RUNX3: variants seen among roughly 807,000 people sequenced by gnomAD.
RUNX3 encodes the protein RUNX family transcription factor 3.
A neutral mutation model predicts 27.7 loss-of-function variants in RUNX3; 10 were observed. That is an observed-to-expected ratio of 0.36 (90% CI 0.22 to 0.61). The LOEUF (loss-of-function observed/expected upper bound fraction) is 0.61. Among genes scored for constraint, RUNX3 ranks in the 20% least tolerant of loss-of-function variants. RUNX3 has a pLI of 0.72. For missense variants in RUNX3, 469 were observed against 629.5 expected, an observed-to-expected ratio of 0.75 and a Z score of 2.73; for synonymous variants, 270 against 269.2, an observed-to-expected ratio of 1.00 and a Z score of -0.03.
At chr1:24,951,412 C>G (rs776488951) in intron 2 of RUNX3, among the ~76,000 whole-genome samples, 8 of 152,130 alleles carry the variant, frequency 5.3e-5, no homozygotes, top group Non-Finnish European at 1.0e-4. Flanking sequence ...CCTCAAGTAC[C>G]TTCTGCATGG....
intron 3 of RUNX3, among the ~76,000 whole-genome samples, chr1:24,908,592 G>A (rs1457218275): frequency 6.6e-6 from 1 of 152,226 alleles, no homozygotes; most frequent in African/African-American, 2.4e-5. Context: ...CTTGAGCCCA[G>A]GAGGTGGAGG....
rs966903105 is a variant in RUNX3, at chr1:24,929,598, C to T, written c.271G>A (p.Val91Ile). 5 of 1,606,746 alleles carry T rather than the reference C, an allele frequency of 3.1e-6. No individual in the cohort carries two copies. The highest frequency in any genetic ancestry group is 3.4e-6 in the Non-Finnish European group (4 of 1,178,752). ...SHWRCNKTLPVAFKVVALGDV... is the reference protein window; with the variant it reads ...SHWRCNKTLPIAFKVVALGDV... ...GGTCCCGCACTCACCTTGAAGGCGACGGGCAGCGTCTTGTTGCAGCGCCAG... is the reference window on the plus strand; with the variant it reads ...GGTCCCGCACTCACCTTGAAGGCGATGGGCAGCGTCTTGTTGCAGCGCCAG... Residue 91 changes from valine to isoleucine, a missense_variant, in exon 1 of 5, where the codon GTC becomes ATC. Around this residue, in one of 3 missense-constraint regions of RUNX3, gnomAD observed 75 missense variants for 168.5 expected, o/e 0.45. Coordinates refer to ENST00000308873, the MANE Select transcript of RUNX3 (RefSeq NM_004350.3).
At chr1:24,957,680 T>A (rs1040551026) in intron 2 of RUNX3, among the ~76,000 whole-genome samples, 2 of 152,234 alleles carry the variant, frequency 1.3e-5, no homozygotes, top group African/African-American at 2.4e-5. Flanking sequence ...AGTAGTAATT[T>A]CTGGCATTCC....
At chr1:24,925,862 A>G (rs1183327384) in intron 2 of RUNX3, among the ~76,000 whole-genome samples, 1 of 152,070 alleles carries the variant, frequency 6.6e-6, no homozygotes, top group Non-Finnish European at 1.5e-5. Context: ...CAAGCTCCCA[A>G]CCAACGCCTT....
upstream of RUNX3, among the ~76,000 whole-genome samples, chr1:24,933,556 C>T (rs574859166): frequency 3.2e-4 from 48 of 152,314 alleles, no homozygotes; most frequent in African/African-American, 8.7e-4. Context: ...GTCCTGATCC[C>T]TCAATTCGCC....
At chr1:24,918,093 G>GA (rs1193757446) in intron 3 of RUNX3, among the ~76,000 whole-genome samples, 4 of 152,188 alleles carry the variant, frequency 2.6e-5, no homozygotes, top group Admixed American at 2.6e-4. Context: ...GCCCTGGAGG[G>GA]AAACTCTTCC....
chr1:24,939,520 G>A (rs1311664479), intron 2 of RUNX3, among the ~76,000 whole-genome samples: 2 of 152,274 alleles, frequency 1.3e-5, no homozygotes, highest in Non-Finnish European at 2.9e-5. Flanking sequence ...TCACAGCTGT[G>A]TAAACAGCAG....
intron 2 of RUNX3, among the ~76,000 whole-genome samples, chr1:24,953,644 G>A (rs1426042461): frequency 3.9e-5 from 6 of 152,244 alleles, no homozygotes; most frequent in East Asian, 1.9e-4. Context: ...GGACGGTGCC[G>A]TTCTAGATTC....
upstream of RUNX3, among the ~76,000 whole-genome samples, chr1:24,932,249 G>A (rs370229413): frequency 1.4e-3 from 209 of 151,852 alleles, 1 homozygote; most frequent in Middle Eastern, 0.01. Context: ...GGCACCTGGC[G>A]CAGGGCCCGG....
intron 1 of RUNX3, chr1:24,964,729 T>C (rs531640124): frequency 1.9e-4 from 270 of 1,438,408 alleles, no homozygotes; most frequent in Non-Finnish European, 2.4e-4. Flanking sequence ...TTTTTGTCTC[T>C]TTTTTCCCCC....
chr1:24,910,721 C>T (rs1640780657), intron 3 of RUNX3, among the ~76,000 whole-genome samples: 1 of 152,218 alleles, frequency 6.6e-6, no homozygotes, highest in Non-Finnish European at 1.5e-5. Flanking sequence ...GCCCCACCTT[C>T]TCCTCCAATG....
intron 3 of RUNX3, 151 bp downstream of exon 3, chr1:24,919,089 G>A (rs1640943955): frequency 1.8e-6 from 1 of 548,474 alleles, no homozygotes; most frequent in East Asian, 3.4e-5. Flanking sequence ...AGGGTTTAGG[G>A]GTTTGCCAGC....
chr1:24,946,599 GTTCCC>G (rs890566493), intron 2 of RUNX3, among the ~76,000 whole-genome samples: 43 of 152,214 alleles, frequency 2.8e-4, no homozygotes, highest in Middle Eastern at 3.2e-3. Flanking sequence ...GACCACCATA[GTTCCC>G]TTGTGATGGG....
chr1:24,932,097 T>A (rs952434489), upstream of RUNX3, among the ~76,000 whole-genome samples: 3 of 152,210 alleles, frequency 2.0e-5, no homozygotes, highest in Non-Finnish European at 2.9e-5. Flanking sequence ...ACCCGCTGTT[T>A]CAGGTGGTGG....
At chr1:24,909,197 C>T (rs1640751793) in intron 3 of RUNX3, among the ~76,000 whole-genome samples, 1 of 152,174 alleles carries the variant, frequency 6.6e-6, no homozygotes, top group South Asian at 2.1e-4. Flanking sequence ...GGGACCTCCC[C>T]CGCCACACAC....
At chr1:24,949,369 C>T (rs559332125) in intron 2 of RUNX3, among the ~76,000 whole-genome samples, 24 of 152,274 alleles carry the variant, frequency 1.6e-4, no homozygotes, top group African/African-American at 5.5e-4. Flanking sequence ...AGCCATGCCC[C>T]GCCCCCCGTG....
chr1:24,925,631 G>A (rs1641084347), intron 2 of RUNX3, among the ~76,000 whole-genome samples: 2 of 152,164 alleles, frequency 1.3e-5, no homozygotes, highest in African/African-American at 4.8e-5. Flanking sequence ...GCTGATACTA[G>A]AATGCAGGCT....
intron 2 of RUNX3, among the ~76,000 whole-genome samples, chr1:24,960,066 G>A (rs772947336): frequency 2.4e-4 from 37 of 152,336 alleles, no homozygotes; most frequent in South Asian, 1.4e-3. Flanking sequence ...CCAAGGCTGG[G>A]CTAGTACCCC....
intron 1 of RUNX3, 88 bp downstream of exon 1, chr1:24,929,499 C>T: frequency 3.8e-6 from 5 of 1,323,356 alleles, no homozygotes; most frequent in Non-Finnish European, 5.3e-6. Context: ...CACCTCCCAT[C>T]CCCACTGCTC....
Sources: gnomAD v4.1 joint callset for allele counts (sites outside exome capture counted in the v4.1 genomes callset) on GRCh38, gnomAD v4.1.1 for gene constraint, gnomAD v4.1.1 regional missense constraint, MANE v1.5 for transcripts, NCBI Gene and HGNC (gene_info 2026-07-23, HGNC 2026-07-21) for gene names.